Variants in CADM1 observed in about 807,000 individuals in gnomAD.
CADM1 encodes cell adhesion molecule 1.
Under a neutral mutation model 53.1 loss-of-function variants are expected in CADM1, and 15 were observed. The observed-to-expected ratio is 0.28, with a 90% confidence interval of 0.19 to 0.44. The LOEUF is 0.44. CADM1 is among the 20% of genes least tolerant of loss of function. The pLI, the probability that CADM1 is intolerant of heterozygous loss-of-function variation, is 1.00. For synonymous variants in CADM1, 281 were observed against 243.0 expected (o/e 1.16, Z -1.45); for missense variants, 434 against 611.3 (o/e 0.71, Z 3.06).
At chr11:115,421,725 A>C (rs1457506775) in intron 1 of CADM1, among the ~76,000 whole-genome samples, 1 of 152,234 alleles carries the variant, frequency 6.6e-6, no homozygotes, top group African/African-American at 2.4e-5. Context: ...CATCAGCAGC[A>C]TGCCATTGCC....
chr11:115,231,576 C>T (rs1941815859), intron 3 of CADM1, 86 bp from the exon 4 acceptor site: 11 of 1,254,794 alleles, frequency 8.8e-6, no homozygotes, highest in African/African-American at 1.5e-5. Context: ...GTAGACATTC[C>T]TGATGGGAAT....
At chr11:115,467,339 C>T (rs1273867232) in intron 1 of CADM1, among the ~76,000 whole-genome samples, 2 of 152,156 alleles carry the variant, frequency 1.3e-5, no homozygotes, top group African/African-American at 4.8e-5. Flanking sequence ...GGAATGAGCT[C>T]GAATACGCAA....
chr11:115,352,562 C>T (rs1467486287), intron 1 of CADM1, among the ~76,000 whole-genome samples: 1 of 152,088 alleles, frequency 6.6e-6, no homozygotes, highest in Non-Finnish European at 1.5e-5. Flanking sequence ...AAAAATATTA[C>T]AGGATGAGCA....
In CADM1 at chr11:115,176,184, AATTTTC is replaced by A. The variant is rs1939019089; in HGVS notation, c.*284_*289del. The A allele has an allele frequency of 1.7e-6, 2 of 1,197,548 alleles. No homozygotes were observed. Among genetic ancestry groups the A allele is most frequent in the Non-Finnish European group, 2.1e-6 (2 of 951,138 alleles). The allele number at this position is 1,197,548 out of a possible 1,614,324, so 74.2% of individuals were successfully genotyped here. Reference sequence around the variant, plus strand: ...CAAACAAACAAAAAACAAGGCACAGAATTTTCTGCAATCTACTGAAACTAAATCCAA... The same window carrying A: ...CAAACAAACAAAAAACAAGGCACAGATGCAATCTACTGAAACTAAATCCAA... On this transcript the variant is annotated 3_prime_UTR_variant, in exon 12 of 12. Transcript: ENST00000331581.
chr11:115,197,810 T>G (rs1015988112), intron 9 of CADM1, among the ~76,000 whole-genome samples: 1 of 152,216 alleles, frequency 6.6e-6, no homozygotes, highest in African/African-American at 2.4e-5. Context: ...TAAAGTTATA[T>G]GAACACATAG....
intron 1 of CADM1, among the ~76,000 whole-genome samples, chr11:115,280,735 G>A (rs931477757): frequency 2.6e-5 from 4 of 152,218 alleles, no homozygotes; most frequent in Non-Finnish European, 5.9e-5. Context: ...AGTCTGTTCC[G>A]AGTGGGCAGC....
intron 1 of CADM1, among the ~76,000 whole-genome samples, chr11:115,286,735 C>G (rs947961954): frequency 2.0e-5 from 3 of 152,178 alleles, no homozygotes; most frequent in Admixed American, 6.5e-5. Flanking sequence ...CCTCTCCCCC[C>G]AGTTAAGGAA....
chr11:115,387,490 C>T (rs898852212), intron 1 of CADM1, among the ~76,000 whole-genome samples: 2 of 152,012 alleles, frequency 1.3e-5, no homozygotes, highest in African/African-American at 4.8e-5. Flanking sequence ...ATATAAGTTA[C>T]GAACTCAAAA....
intron 1 of CADM1, among the ~76,000 whole-genome samples, chr11:115,422,324 G>A (rs1591215025): frequency 2.0e-5 from 3 of 152,226 alleles, no homozygotes; most frequent in South Asian, 4.2e-4. Context: ...TAAAAATCAG[G>A]TGTGAATATG....
At chr11:115,217,455 G>A (rs1036449385) in intron 6 of CADM1, among the ~76,000 whole-genome samples, 2 of 152,114 alleles carry the variant, frequency 1.3e-5, no homozygotes, top group African/African-American at 4.8e-5. Flanking sequence ...AAAATTAAAG[G>A]TAGGGCAAAT....
intron 1 of CADM1, among the ~76,000 whole-genome samples, chr11:115,436,425 T>C (rs1948183971): frequency 6.6e-6 from 1 of 152,204 alleles, no homozygotes; most frequent in African/African-American, 2.4e-5. Flanking sequence ...CTCCCCCTCC[T>C]AATTTACTGG....
chr11:115,410,525 A>G (rs935306165), intron 1 of CADM1, among the ~76,000 whole-genome samples: 2 of 152,216 alleles, frequency 1.3e-5, no homozygotes, highest in Non-Finnish European at 2.9e-5. Context: ...ATAAATGCTG[A>G]AAAGGAAGCA....
chr11:115,204,515 A>G (rs922709169), intron 8 of CADM1, among the ~76,000 whole-genome samples: 4 of 152,238 alleles, frequency 2.6e-5, no homozygotes, highest in Admixed American at 6.5e-5. Flanking sequence ...AACTAAAAGC[A>G]GACCAGCTCT....
At chr11:115,288,222 G>A (rs1943782939) in intron 1 of CADM1, among the ~76,000 whole-genome samples, 1 of 152,180 alleles carries the variant, frequency 6.6e-6, no homozygotes, top group Admixed American at 6.5e-5. Context: ...GCATGATCAG[G>A]AGTAAGAGAT....
intron 1 of CADM1, among the ~76,000 whole-genome samples, chr11:115,398,086 T>G (rs1411451670): frequency 1.3e-5 from 2 of 152,150 alleles, no homozygotes; most frequent in Non-Finnish European, 2.9e-5. Context: ...TTGACTAAGA[T>G]CAACAGCTCC....
chr11:115,310,828 A>G (rs1944514073), intron 1 of CADM1, among the ~76,000 whole-genome samples: 1 of 152,208 alleles, frequency 6.6e-6, no homozygotes, highest in Non-Finnish European at 1.5e-5. Context: ...ATGCTTAAAT[A>G]CATTTCAGTG....
At chr11:115,407,750 G>A (rs1407279348) in intron 1 of CADM1, among the ~76,000 whole-genome samples, 1 of 151,540 alleles carries the variant, frequency 6.6e-6, no homozygotes, top group Non-Finnish European at 1.5e-5. Flanking sequence ...GTGCCGTTTG[G>A]TCCTAGCAAC....
intron 1 of CADM1, among the ~76,000 whole-genome samples, chr11:115,328,713 T>TACGCGTATATGTATATACATATATACGC (rs375794586): frequency 2.0e-5 from 1 of 49,622 alleles, no homozygotes; most frequent in Non-Finnish European, 3.6e-5. Context: ...TATATATATA[T>TACGCGTATATGTATATACATATATACGC]GTGTATATAT....
chr11:115,483,522 A>T (rs1281367117), intron 1 of CADM1, among the ~76,000 whole-genome samples: 2 of 152,182 alleles, frequency 1.3e-5, no homozygotes, highest in African/African-American at 4.8e-5. Context: ...AAGGACTATT[A>T]AGATATTCCA....
Sources: allele counts gnomAD v4.1 joint callset (sites outside exome capture counted in the v4.1 genomes callset), GRCh38; gene constraint gnomAD v4.1.1; transcripts MANE v1.5; gene names NCBI Gene and HGNC (gene_info 2026-07-23, HGNC 2026-07-21).